AIM2: variants seen among roughly 807,000 people sequenced by gnomAD.
AIM2 encodes interferon-inducible protein AIM2.
Under a neutral mutation model 27.7 loss-of-function variants are expected in AIM2, and 30 were observed. That is an observed-to-expected ratio of 1.08 (90% CI 0.81 to 1.47). The LOEUF (loss-of-function observed/expected upper bound fraction) is 1.47, where lower values mean the gene tolerates loss of function less well. AIM2 is among the 40% of genes most tolerant of loss of function. The pLI, the probability that AIM2 is intolerant of heterozygous loss-of-function variation, is 0.00. For synonymous variants in AIM2, 141 were observed against 145.3 expected, an observed-to-expected ratio of 0.97 and a Z score of 0.21; for missense variants, 358 against 411.3, an observed-to-expected ratio of 0.87 and a Z score of 1.12.
intron 1 of AIM2, among the ~76,000 whole-genome samples, chr1:159,091,650 G>A (rs1468887724): frequency 1.3e-5 from 2 of 152,244 alleles, no homozygotes; most frequent in Non-Finnish European, 2.9e-5. Flanking sequence ...GCAGCCAGCT[G>A]AAGTCCTGCC....
chr1:159,102,101 T>A (rs899330733), intron 1 of AIM2, among the ~76,000 whole-genome samples: 3 of 152,200 alleles, frequency 2.0e-5, no homozygotes, highest in African/African-American at 7.2e-5. Flanking sequence ...AGGTGCCCCC[T>A]GCTCTATGCA....
chr1:159,084,306 A>G (rs1471084278), intron 1 of AIM2, among the ~76,000 whole-genome samples: 2 of 151,994 alleles, frequency 1.3e-5, no homozygotes, highest in African/African-American at 4.8e-5. Flanking sequence ...CTCCAAGCCC[A>G]CTTATTTCTG....
At chr1:159,142,607 G>C (rs1028372805), upstream of AIM2, among the ~76,000 whole-genome samples, 3 of 152,122 alleles carry the variant, frequency 2.0e-5, no homozygotes, top group African/African-American at 7.2e-5. Context: ...TTTCTCAGCT[G>C]TCTGTGCTTT....
intron 1 of AIM2, among the ~76,000 whole-genome samples, chr1:159,101,894 G>C (rs1028982597): frequency 1.3e-5 from 2 of 152,182 alleles, no homozygotes; most frequent in African/African-American, 4.8e-5. Context: ...TGACCATGTA[G>C]TAGAAAAGAA....
intron 1 of AIM2, among the ~76,000 whole-genome samples, chr1:159,075,416 T>G (rs61828166): frequency 1.3e-5 from 2 of 151,798 alleles, no homozygotes; most frequent in African/African-American, 2.4e-5. Flanking sequence ...AAAAAAAATT[T>G]GTCAAATGTG....
upstream of AIM2, among the ~76,000 whole-genome samples, chr1:159,141,889 A>G (rs979878262): frequency 1.3e-5 from 2 of 152,188 alleles, no homozygotes; most frequent in Non-Finnish European, 2.9e-5. Context: ...GGGGAATGTG[A>G]CAGCAGTCAA....
intron 1 of AIM2, among the ~76,000 whole-genome samples, chr1:159,096,922 T>C (rs187957836): frequency 6.6e-6 from 1 of 152,166 alleles, no homozygotes; most frequent in East Asian, 1.9e-4. Context: ...CATCCTTCGA[T>C]ATTGTCACCT....
At chr1:159,077,784 A>T (rs1449030431), upstream of AIM2, among the ~76,000 whole-genome samples, 2 of 152,154 alleles carry the variant, frequency 1.3e-5, no homozygotes, top group African/African-American at 4.8e-5. Flanking sequence ...TCTAGTCAGC[A>T]ATTTACTTGA....
rs191949632 is a variant in AIM2 at position 159,070,403 on chromosome 1, G to A, written c.263-1702C>T. 1.4e-3 allele frequency among the ~76,000 whole-genome samples: 216 copies of A among 152,266 alleles called. 1 individual carries two copies. The highest frequency in any genetic ancestry group is 2.7e-3 in the Non-Finnish European group (187 of 68,022). On this transcript the variant is annotated intron_variant, in intron 2 of 5. Transcript: ENST00000368130. ...TCACTAATGCCTACAAAATGCAGTCGTATACTCTGGCTGGGCTCCTCCACG... is the reference window on the plus strand; with the variant it reads ...TCACTAATGCCTACAAAATGCAGTCATATACTCTGGCTGGGCTCCTCCACG...
intron 1 of AIM2, among the ~76,000 whole-genome samples, chr1:159,096,321 G>A (rs1044149864): frequency 2.0e-5 from 3 of 151,674 alleles, no homozygotes; most frequent in Non-Finnish European, 4.4e-5. Context: ...TCTGATTCTT[G>A]TCTGTAAAAT....
At chr1:159,088,718 G>A (rs1656978816) in intron 1 of AIM2, among the ~76,000 whole-genome samples, 2 of 152,002 alleles carry the variant, frequency 1.3e-5, no homozygotes, top group South Asian at 4.2e-4. Context: ...TGATGGGGTG[G>A]GGCTTGTGGC....
intron 1 of AIM2, among the ~76,000 whole-genome samples, chr1:159,073,812 G>T (rs1656478275): frequency 6.6e-6 from 1 of 152,150 alleles, no homozygotes; most frequent in Non-Finnish European, 1.5e-5. Flanking sequence ...GCCAAGGTGG[G>T]CGGATCACCT....
intron 1 of AIM2, among the ~76,000 whole-genome samples, chr1:159,114,106 T>C (rs1647264738): frequency 6.6e-6 from 1 of 152,208 alleles, no homozygotes; most frequent in Admixed American, 6.5e-5. Flanking sequence ...TCTTCCTTTG[T>C]TTCCCAGATT....
At chr1:159,068,434 G>T in intron 3 of AIM2, 134 bp downstream of exon 3, 2 of 1,225,386 alleles carry the variant, frequency 1.6e-6, no homozygotes, top group Non-Finnish European at 1.1e-6. Context: ...TTGTGACTCA[G>T]AATGCTTTTC....
chr1:159,086,506 C>G (rs28532137), intron 1 of AIM2, among the ~76,000 whole-genome samples: 3,247 of 152,302 alleles, frequency 0.021, 69 homozygotes, highest in South Asian at 0.042. Context: ...CCCTCTACTT[C>G]TCCTCCCCCA....
chr1:159,060,792 G>C, downstream of AIM2, among the ~76,000 whole-genome samples: 1 of 152,126 alleles, frequency 6.6e-6, no homozygotes, highest in East Asian at 1.9e-4. Context: ...TCATTTTTCA[G>C]GTGAGGGATA....
intron 1 of AIM2, among the ~76,000 whole-genome samples, chr1:159,131,914 G>C (rs1647895832): frequency 6.6e-6 from 1 of 151,974 alleles, no homozygotes; most frequent in Non-Finnish European, 1.5e-5. Context: ...GGCAAGACGT[G>C]GTATTTCACC....
intron 1 of AIM2, among the ~76,000 whole-genome samples, chr1:159,091,908 A>C (rs969760975): frequency 6.6e-6 from 1 of 152,246 alleles, no homozygotes; most frequent in African/African-American, 2.4e-5. Flanking sequence ...CAGAAAGTAA[A>C]TGGTATCCAC....
intron 1 of AIM2, among the ~76,000 whole-genome samples, chr1:159,113,505 C>T (rs1173560503): frequency 1.3e-5 from 2 of 152,172 alleles, no homozygotes; most frequent in Non-Finnish European, 2.9e-5. Flanking sequence ...GTTTAGGTCT[C>T]AGTTGTAGTG....
Sources: allele counts gnomAD v4.1 joint callset (sites outside exome capture counted in the v4.1 genomes callset), GRCh38; gene constraint gnomAD v4.1.1; transcripts MANE v1.5; gene names NCBI Gene and HGNC (gene_info 2026-07-23, HGNC 2026-07-21).